CHAF1A: variants seen among roughly 807,000 people sequenced by gnomAD.
CHAF1A encodes chromatin assembly factor 1 subunit A, also known as CAF-1 subunit A.
A neutral mutation model predicts 93.2 loss-of-function variants in CHAF1A; 5 were observed. That is an observed-to-expected ratio of 0.05 (90% CI 0.03 to 0.11). CHAF1A has a LOEUF of 0.11. Among genes scored for constraint, CHAF1A ranks in the 10% least tolerant of loss-of-function variants. The pLI is 1.00. For missense variants in CHAF1A, 1,102 were observed against 1,259.9 expected, an observed-to-expected ratio of 0.87 and a Z score of 1.90; for synonymous variants, 504 against 510.3, an observed-to-expected ratio of 0.99 and a Z score of 0.17.
At chr19:4,420,939 C>T (rs989872918) in intron 4 of CHAF1A, among the ~76,000 whole-genome samples, 1 of 152,102 alleles carries the variant, frequency 6.6e-6, no homozygotes, top group Non-Finnish European at 1.5e-5. Flanking sequence ...TGACAGGTGC[C>T]TGTGGTCCCA....
Position 4,424,021 on chromosome 19 carries a change from T to C in CHAF1A, c.1377+147T>C, listed in dbSNP as rs147121090. 10 of 688,126 alleles carry C rather than the reference T, an allele frequency of 1.5e-5. No homozygotes were observed. In the East Asian group the frequency reaches 2.7e-4, roughly 18 times the overall value. The allele number at this position is 688,126 out of a possible 1,614,324, so 42.6% of individuals were successfully genotyped here. On this transcript the variant is annotated intron_variant, in intron 7 of 14. Transcript: ENST00000301280. ...TAGGGCACTTCCATTTCTGGTTAAG[T>C]CTTGAGGCTCAATATTTTGTCCTTC... is the stretch of plus-strand genomic sequence containing the variant.
chr19:4,429,885 C>T, intron 10 of CHAF1A, 97 bp downstream of exon 10: 2 of 1,048,240 alleles, frequency 1.9e-6, no homozygotes, highest in Non-Finnish European at 2.8e-6. Flanking sequence ...GCTGTGTTCA[C>T]TCACTGACAG....
intron 7 of CHAF1A, among the ~76,000 whole-genome samples, chr19:4,426,598 C>T (rs1974085773): frequency 6.6e-6 from 1 of 152,148 alleles, no homozygotes; most frequent in African/African-American, 2.4e-5. Flanking sequence ...CCTCAGCCTC[C>T]CGAGTAGCTG....
rs1973740292 is a variant in CHAF1A at position 4,409,085 on chromosome 19, G to A, written c.286G>A (p.Gly96Ser). ...DFRPKLVNGK[G>S]PLDNFLRNRI... ...TAGACCGAAACTTGTCAACGGGAAGGGTCCCTTAGATAACTTTTTAAGAAA... is the reference window on the plus strand; with the variant it reads ...TAGACCGAAACTTGTCAACGGGAAGAGTCCCTTAGATAACTTTTTAAGAAA... Residue 96 changes from glycine to serine, a missense_variant, in exon 3 of 15, where the codon GGT (glycine) becomes AGT (serine). This residue lies in a region of CHAF1A where 379 missense variants were observed against 365.7 expected (regional missense o/e 1.04). Transcript: ENST00000301280. The A allele has an allele frequency of 1.2e-6, 2 of 1,614,168 alleles. No individual in the cohort carries two copies. Among genetic ancestry groups the A allele is most frequent in the Non-Finnish European group, 1.7e-6 (2 of 1,180,024 alleles).
Position 4,430,656 on chromosome 19 carries a change from G to A in CHAF1A, c.1947+15G>A. 6.2e-7 allele frequency: 1 copy of A among 1,613,394 alleles called. No homozygotes were observed. Among genetic ancestry groups the A allele is most frequent in the Non-Finnish European group, 8.5e-7 (1 of 1,179,754 alleles). Reference sequence around the variant, plus strand: ...GTGTGACAGAGGTGAGGGAGTGAAGGGGGAGGTCACCGGCTCAGCAAAAGT... The same window carrying A: ...GTGTGACAGAGGTGAGGGAGTGAAGAGGGAGGTCACCGGCTCAGCAAAAGT... On this transcript the variant is annotated intron_variant, in intron 11 of 14. Coordinates refer to ENST00000301280, the MANE Select transcript of CHAF1A (RefSeq NM_005483.3).
chr19:4,448,937 C>T (rs1422772395), downstream of CHAF1A: 1 of 156,886 alleles, frequency 6.4e-6, no homozygotes, highest in African/African-American at 2.4e-5. Flanking sequence ...GTCTGCAACC[C>T]TCAATGTCTG....
intron 3 of CHAF1A, 23 bp from the exon 4 acceptor site, chr19:4,417,997 A>G (rs767930591): frequency 6.4e-7 from 1 of 1,567,988 alleles, no homozygotes; most frequent in Non-Finnish European, 8.7e-7. Flanking sequence ...CCGTGTTTAA[A>G]GATAAACGTC....
intron 6 of CHAF1A, 145 bp downstream of exon 6, chr19:4,423,540 G>C: frequency 1.4e-6 from 2 of 1,420,672 alleles, no homozygotes; most frequent in Non-Finnish European, 1.9e-6. Flanking sequence ...AGTCTGTCTA[G>C]ATGCGTTCTT....
intron 9 of CHAF1A, 38 bp from the exon 10 acceptor site, chr19:4,429,670 C>T (rs200872920): frequency 3.8e-5 from 61 of 1,613,892 alleles, no homozygotes; most frequent in Middle Eastern, 3.3e-4. Flanking sequence ...CCTCCAGCCC[C>T]AAAGACAGTT....
At chr19:4,429,066 C>T (rs1157582465) in intron 8 of CHAF1A, 176 bp downstream of exon 8, 1 of 606,268 alleles carries the variant, frequency 1.6e-6, no homozygotes, top group Non-Finnish European at 2.9e-6. Flanking sequence ...TTCCTGTAAG[C>T]TCCTGAAGTC....
chr19:4,402,917 G>GT (rs1973610651), intron 1 of CHAF1A, 103 bp downstream of exon 1: 1 of 699,290 alleles, frequency 1.4e-6, no homozygotes, highest in Admixed American at 4.7e-5. Flanking sequence ...GCCAAGCCTG[G>GT]TCCTGCGGGC....
At chr19:4,424,494 C>G (rs1220284552) in intron 7 of CHAF1A, among the ~76,000 whole-genome samples, 1 of 152,162 alleles carries the variant, frequency 6.6e-6, no homozygotes, top group Non-Finnish European at 1.5e-5. Context: ...GAGGCAGGGT[C>G]TCACTGTCAC....
the CHAF1A span, chr19:4,450,258 A>G: frequency 6.6e-6 from 1 of 151,822 alleles, no homozygotes; most frequent in African/African-American, 2.4e-5. Context: ...AGAGGCCACA[A>G]AAGAATTCTC....
At chr19:4,441,855 G>T (rs965418700) in intron 13 of CHAF1A, among the ~76,000 whole-genome samples, 2 of 152,014 alleles carry the variant, frequency 1.3e-5, no homozygotes, top group African/African-American at 4.8e-5. Context: ...TCGAGATCGC[G>T]CCACTGCACT....
At chr19:4,423,279 G>C in intron 5 of CHAF1A, 56 bp from the exon 6 acceptor site, 1 of 1,611,496 alleles carries the variant, frequency 6.2e-7, no homozygotes, top group South Asian at 1.1e-5. Context: ...GAGTGCTGCG[G>C]TCCCTTCCAG....
intron 3 of CHAF1A, among the ~76,000 whole-genome samples, chr19:4,412,813 C>T (rs1418034893): frequency 6.6e-6 from 1 of 152,190 alleles, no homozygotes; most frequent in Non-Finnish European, 1.5e-5. Context: ...AGATAATTTA[C>T]AAGTGGTAAA....
chr19:4,444,363 C>G (rs1974456922), downstream of CHAF1A, among the ~76,000 whole-genome samples: 1 of 152,196 alleles, frequency 6.6e-6, no homozygotes, highest in Non-Finnish European at 1.5e-5. Flanking sequence ...CCTGGGGCTG[C>G]TGTACCACAA....
At chr19:4,410,750 CTG>C (rs1267619951) in intron 3 of CHAF1A, among the ~76,000 whole-genome samples, 1 of 152,196 alleles carries the variant, frequency 6.6e-6, no homozygotes, top group Non-Finnish European at 1.5e-5. Flanking sequence ...ACCTGGGAAA[CTG>C]AGGCAGGAGG....
intron 4 of CHAF1A, among the ~76,000 whole-genome samples, chr19:4,418,618 T>C (rs565286965): frequency 1.3e-5 from 2 of 152,082 alleles, no homozygotes; most frequent in Non-Finnish European, 2.9e-5. Flanking sequence ...GGTTTCACCA[T>C]GTTAGCCAGG....
Sources: gnomAD v4.1 joint callset for allele counts (sites outside exome capture counted in the v4.1 genomes callset) on GRCh38, gnomAD v4.1.1 for gene constraint, gnomAD v4.1.1 regional missense constraint, MANE v1.5 for transcripts, NCBI Gene and HGNC (gene_info 2026-07-23, HGNC 2026-07-21) for gene names.